Variants in TMEM108 observed in about 807,000 individuals in gnomAD.
TMEM108 encodes the protein transmembrane protein 108.
TMEM108 carries 12 observed loss-of-function variants against 35.1 expected under a neutral mutation model. That is an observed-to-expected ratio of 0.34 (90% CI 0.22 to 0.55). The LOEUF (loss-of-function observed/expected upper bound fraction) is 0.55. TMEM108 is among the 20% of genes least tolerant of loss of function. The pLI is 0.89. For missense variants in TMEM108, 680 were observed against 753.3 expected (o/e 0.90, Z 1.14); for synonymous variants, 287 against 308.6 (o/e 0.93, Z 0.73).
At chr3:133,319,001 C>T (rs566936123) in intron 3 of TMEM108, among the ~76,000 whole-genome samples, 29 of 150,544 alleles carry the variant, frequency 1.9e-4, no homozygotes, top group Admixed American at 9.3e-4. Flanking sequence ...ATAAACTCAG[C>T]GCTGTTTGCA....
chr3:133,393,480 A>C (rs6802663), intron 5 of TMEM108, among the ~76,000 whole-genome samples: 3 of 152,140 alleles, frequency 2.0e-5, no homozygotes, highest in Admixed American at 2.0e-4. Flanking sequence ...AATGTTTATC[A>C]TGTGAATGAA....
At chr3:133,038,792 G>A (rs1446757033) in intron 1 of TMEM108, among the ~76,000 whole-genome samples, 1 of 152,236 alleles carries the variant, frequency 6.6e-6, no homozygotes, top group Admixed American at 6.5e-5. Context: ...GGGCCGAGGA[G>A]GAGGTGGCTT....
At chr3:133,300,680 G>A (rs1007169196) in intron 3 of TMEM108, among the ~76,000 whole-genome samples, 1 of 152,064 alleles carries the variant, frequency 6.6e-6, no homozygotes. Context: ...AATGATTTTA[G>A]TGGGCTCTGG....
chr3:133,112,553 A>G (rs1944238649), intron 2 of TMEM108, among the ~76,000 whole-genome samples: 1 of 152,208 alleles, frequency 6.6e-6, no homozygotes, highest in Admixed American at 6.5e-5. Context: ...TCTAGAACTG[A>G]GAATAAGGAT....
At chr3:133,091,694 A>G (rs1943948364) in intron 2 of TMEM108, among the ~76,000 whole-genome samples, 1 of 152,222 alleles carries the variant, frequency 6.6e-6, no homozygotes, top group Non-Finnish European at 1.5e-5. Flanking sequence ...GAGGTTATCA[A>G]GTTCATTTTT....
intron 3 of TMEM108, among the ~76,000 whole-genome samples, chr3:133,279,533 C>A (rs1417913641): frequency 1.3e-5 from 2 of 152,202 alleles, no homozygotes; most frequent in African/African-American, 4.8e-5. Flanking sequence ...TCCACAGTTT[C>A]TTGAATTTGC....
intron 3 of TMEM108, among the ~76,000 whole-genome samples, chr3:133,329,665 TA>T (rs1438983964): frequency 2.0e-5 from 3 of 152,180 alleles, no homozygotes; most frequent in South Asian, 4.1e-4. Context: ...TTTTTTTATT[TA>T]TTTTTTTAAG....
intron 3 of TMEM108, among the ~76,000 whole-genome samples, chr3:133,286,910 T>C (rs1306896555): frequency 6.6e-6 from 1 of 152,228 alleles, no homozygotes; most frequent in Non-Finnish European, 1.5e-5. Flanking sequence ...ATTGGTTTGA[T>C]TTTTTTAGGT....
intron 3 of TMEM108, among the ~76,000 whole-genome samples, chr3:133,251,440 A>G (rs189373620): frequency 2.6e-4 from 39 of 152,302 alleles, no homozygotes; most frequent in African/African-American, 8.9e-4. Flanking sequence ...TTCAGTCAGT[A>G]TAGGCCATCT....
At chr3:133,111,825 A>G (rs1020652317) in intron 2 of TMEM108, among the ~76,000 whole-genome samples, 1 of 152,156 alleles carries the variant, frequency 6.6e-6, no homozygotes, top group Non-Finnish European at 1.5e-5. Flanking sequence ...GGTTCCAGCT[A>G]TGCCCTTGAC....
At chr3:133,283,841 C>A (rs1946948537) in intron 3 of TMEM108, among the ~76,000 whole-genome samples, 2 of 152,092 alleles carry the variant, frequency 1.3e-5, no homozygotes, top group Non-Finnish European at 2.9e-5. Flanking sequence ...AATTCATATG[C>A]CACGTATTTA....
intron 3 of TMEM108, among the ~76,000 whole-genome samples, chr3:133,363,659 G>A (rs550228942): frequency 6.6e-6 from 1 of 152,200 alleles, no homozygotes; most frequent in South Asian, 2.1e-4. Flanking sequence ...GCCTACCTTG[G>A]CCTCCCAAAG....
intron 2 of TMEM108, among the ~76,000 whole-genome samples, chr3:133,086,071 TATC>T (rs1313374042): frequency 1.3e-5 from 2 of 152,202 alleles, no homozygotes; most frequent in African/African-American, 2.4e-5. Flanking sequence ...ACTAAGGAGA[TATC>T]ATATGGAAAG....
At chr3:133,139,113 T>C (rs1421284835) in intron 2 of TMEM108, among the ~76,000 whole-genome samples, 1 of 152,186 alleles carries the variant, frequency 6.6e-6, no homozygotes, top group Non-Finnish European at 1.5e-5. Flanking sequence ...AATGGCTGCA[T>C]AGTATTCCAT....
At chr3:133,150,507 T>C (rs1944784371) in intron 2 of TMEM108, among the ~76,000 whole-genome samples, 2 of 152,138 alleles carry the variant, frequency 1.3e-5, no homozygotes, top group South Asian at 2.1e-4. Flanking sequence ...AGAAGCCTTT[T>C]AGTTTGATGT....
chr3:133,371,613 CAAAAAAAAAAA>C (rs3054624), intron 3 of TMEM108, among the ~76,000 whole-genome samples: 6 of 78,098 alleles, frequency 7.7e-5, no homozygotes, highest in Admixed American at 1.8e-4. Flanking sequence ...CACAAACCCA[CAAAAAAAAAAA>C]AAAAAAAAAA....
intron 2 of TMEM108, among the ~76,000 whole-genome samples, chr3:133,055,042 A>G (rs942830420): frequency 1.3e-5 from 2 of 152,198 alleles, no homozygotes; most frequent in African/African-American, 4.8e-5. Context: ...CCAGCTGCTG[A>G]CTGCTGAGGT....
rs192874461 is a variant in TMEM108, at chr3:133,173,865, C to T, written c.-46-55401C>T. Among the ~76,000 whole-genome samples the T allele has an allele frequency of 5.4e-3, 820 of 152,256 alleles. 9 individuals are homozygous for T. The highest frequency in any genetic ancestry group is 0.019 in the African/African-American group (779 of 41,552). ...TGGGTGCAGTGCACCAAGTGTGAGC[C>T]GAAGCAGGGTGAGGCATCACCTCAT... On this transcript the variant is annotated intron_variant, in intron 2 of 5. Coordinates refer to ENST00000321871, the MANE Select transcript of TMEM108 (RefSeq NM_023943.4).
chr3:133,350,142 G>A (rs934116779), intron 3 of TMEM108, among the ~76,000 whole-genome samples: 2 of 152,072 alleles, frequency 1.3e-5, no homozygotes, highest in African/African-American at 4.8e-5. Context: ...TCAGCTTGGA[G>A]GACATTATGT....
Sources: gnomAD v4.1 joint callset for allele counts (sites outside exome capture counted in the v4.1 genomes callset) on GRCh38, gnomAD v4.1.1 for gene constraint, MANE v1.5 for transcripts, NCBI Gene and HGNC (gene_info 2026-07-23, HGNC 2026-07-21) for gene names.